Variants in PKD1 observed in about 807,000 individuals in gnomAD.
PKD1 encodes polycystin-1.
PKD1 carries 81 observed loss-of-function variants against 361.7 expected under a neutral mutation model. That is an observed-to-expected ratio of 0.22 (90% confidence interval 0.19 to 0.27). The LOEUF (loss-of-function observed/expected upper bound fraction) is 0.27. Ranked by LOEUF, PKD1 falls within the 10% of genes least tolerant of loss-of-function variation. The pLI, the probability that PKD1 is intolerant of heterozygous loss-of-function variation, is 1.00. For missense variants in PKD1, 6,399 were observed against 6,118.3 expected (o/e 1.05, Z -1.53); for synonymous variants, 3,615 against 2,818.3 (o/e 1.28, Z -8.95).
In PKD1 at chr16:2,092,538, C is replaced by T; in HGVS notation, c.11211G>A (p.Gly3737=). The T allele has an allele frequency of 1.2e-6, 2 of 1,612,762 alleles. No individual in the cohort carries two copies. The highest frequency in any genetic ancestry group is 1.3e-5 in the African/African-American group (1 of 75,056). The change falls in exon 39 of 46, where the codon GGG becomes GGA. Residue 3737 remains glycine (G), a synonymous_variant. Coordinates refer to ENST00000262304, the MANE Select transcript of PKD1 (RefSeq NM_001009944.3). The part of the protein sequence containing the change: ...MAHVLLPYVH[G]NQSSPELGPP... ...GCCCCAGCTCTGGGCTGGACTGGTT[C>T]CCGTGGACGTAGGGCAGCAGCACGT...
rs778796205 is a variant in PKD1 at position 2,113,235 on chromosome 16, C to T, written c.2911G>A (p.Asp971Asn). Residue 971 changes from aspartate (D) to asparagine (N), a missense_variant, in exon 12 of 46, where the codon GAC becomes AAC. By Grantham distance (23) the Asp-to-Asn change is conservative. Coordinates refer to ENST00000262304, the MANE Select transcript of PKD1 (RefSeq NM_001009944.3). ...TTCTGGAAGGTCAGGGACTGCTTGTCGTTGATGGTCCACCGGAAGACCATG... is the reference window on the plus strand; with the variant it reads ...TTCTGGAAGGTCAGGGACTGCTTGTTGTTGATGGTCCACCGGAAGACCATG... ...SDMVFRWTIN[D>N]KQSLTFQNVV... The T allele has an allele frequency of 5.4e-5, 78 of 1,452,026 alleles. 2 individuals are homozygous for T. In the South Asian group the frequency reaches 5.6e-4, roughly 10 times the overall value. The allele number at this position is 1,452,026 out of a possible 1,614,324, so 89.9% of individuals were successfully genotyped here. A position where few individuals can be genotyped will look rare whatever the true frequency, so the allele number is the denominator to read the frequency against.
In PKD1 at chr16:2,108,234, G is replaced by A. The variant is rs777577798; in HGVS notation, c.6915+18C>T. The A allele has an allele frequency of 1.6e-5, 26 of 1,587,234 alleles. No individual in the cohort carries two copies. The highest frequency in any genetic ancestry group is 1.5e-4 in the Admixed American group (9 of 59,314). The stretch of plus-strand genomic sequence containing the variant: ...GGACGGGTGAGGGGCATGGAGGACG[G>A]CCCTGCCACGCACTGACCTGTGTCG... On this transcript the variant is annotated intron_variant, in intron 15 of 45. Coordinates refer to ENST00000262304, the MANE Select transcript of PKD1 (RefSeq NM_001009944.3).
Position 2,091,861 on chromosome 16 carries a change from G to T in PKD1, c.11457C>A (p.Tyr3819Ter), listed in dbSNP as rs199476098. The T allele has an allele frequency of 6.2e-7, 1 of 1,610,574 alleles. No homozygotes were observed. The highest frequency in any genetic ancestry group is 8.5e-7 in the Non-Finnish European group (1 of 1,179,244). The change falls in exon 41 of 46, where the codon TAC becomes TAA. Residue 3819 changes from tyrosine (Y) to a stop codon, truncating the protein, a stop_gained. Transcript: ENST00000262304. LOFTEE classifies it high-confidence loss of function. Reference sequence around the variant, plus strand: ...CCAGGCTCAGGCCCAGCTCCTGCACGTAGCCCCCGCTGTCATACACGGCAC... The same window carrying T: ...CCAGGCTCAGGCCCAGCTCCTGCACTTAGCCCCCGCTGTCATACACGGCAC... The part of the protein sequence containing the change: ...GSCAVYDSGG[Y>*]VQELGLSLEE...
At position 2,112,880 on chromosome 16, in the gene PKD1, C is replaced by T; in HGVS notation, c.3069G>A (p.Gln1023=). The T allele has an allele frequency of 6.2e-7, 1 of 1,607,086 alleles. No homozygotes were observed. Among genetic ancestry groups the T allele is most frequent in the Non-Finnish European group, 8.5e-7 (1 of 1,179,682 alleles). The change falls in exon 13 of 46, where the codon CAG becomes CAA. Residue 1023 remains glutamine (Q), a synonymous_variant. Coordinates refer to ENST00000262304, the MANE Select transcript of PKD1 (RefSeq NM_001009944.3). ...VERMNRMQGL[Q]VSTVPAVLSP... is the part of the protein sequence containing the mutation. Reference sequence around the variant, plus strand: ...ACAGCACGGCCGGCACTGTGGAGACCTGCAGACCCTGCATCCTGTTCATCC... The same window carrying T: ...ACAGCACGGCCGGCACTGTGGAGACTTGCAGACCCTGCATCCTGTTCATCC...
rs755675128 is a variant in PKD1, at chr16:2,090,920, G to T, written c.11967C>A (p.Gly3989=). 1 of 1,585,358 alleles carries T rather than the reference G, an allele frequency of 6.3e-7. No individual in the cohort carries two copies. The highest frequency in any genetic ancestry group is 8.5e-7 in the Non-Finnish European group (1 of 1,172,444). The stretch of plus-strand genomic sequence containing the variant: ...GCAGGAAGAGCAGCGAGGCCGCCAG[G>T]CCACGGGCTGCGGAGCTCAGCTGCG... ...QVAQLSSAAR[G]LAASLLFLLL... The change falls in exon 43 of 46, where the codon GGC becomes GGA. Residue 3989 remains glycine (G), a synonymous_variant. Coordinates refer to ENST00000262304, the MANE Select transcript of PKD1 (RefSeq NM_001009944.3).
chr16:2,116,782 G>T, intron 7 of PKD1, 51 bp downstream of exon 7: 3 of 1,213,362 alleles, frequency 2.5e-6, no homozygotes, highest in South Asian at 2.6e-5. Flanking sequence ...GCGCTCGGCA[G>T]GCCCCTAACC....
chr16:2,115,201 G>A, intron 10 of PKD1, 177 bp downstream of exon 10: 2 of 590,366 alleles, frequency 3.4e-6, no homozygotes, highest in South Asian at 1.5e-4. Context: ...CCAGGCGAGA[G>A]CTTCTCCCAC....
chr16:2,123,130 G>A (rs939678822), intron 1 of PKD1, among the ~76,000 whole-genome samples: 16 of 152,184 alleles, frequency 1.1e-4, no homozygotes, highest in African/African-American at 3.9e-4. Context: ...CACGCCAGCA[G>A]GCAGCCCTGC....
At chr16:2,096,003 T>C (rs968910419) in intron 34 of PKD1, among the ~76,000 whole-genome samples, 7 of 152,256 alleles carry the variant, frequency 4.6e-5, no homozygotes, top group African/African-American at 1.7e-4. Flanking sequence ...TTTTCCTTTT[T>C]GTTTGAGTCC....
In PKD1 at chr16:2,111,393, T is replaced by A. The variant is rs758504352; in HGVS notation, c.3774A>T (p.Ala1258=). The change falls in exon 15 of 46, where the codon GCA becomes GCT. Residue 1258 remains alanine (A), a synonymous_variant. Transcript: ENST00000262304. ...CCCGCAGGTACACATGCTCCACTGT[T>A]GCCTCCGGGCCCGACAGCACGGTGC... is the stretch of plus-strand genomic sequence containing the variant. The part of the protein sequence containing the change: ...GDGTVLSGPE[A]TVEHVYLRAQ... 1.2e-6 allele frequency: 2 copies of A among 1,611,584 alleles called. No homozygotes were observed. The highest frequency in any genetic ancestry group is 2.2e-5 in the South Asian group (2 of 91,044).
Position 2,090,729 on chromosome 16 carries a change from C to G in PKD1, c.12083G>C (p.Gly4028Ala). 6.2e-7 allele frequency: 1 copy of G among 1,612,596 alleles called. No individual in the cohort carries two copies. Among genetic ancestry groups the G allele is most frequent in the Non-Finnish European group, 8.5e-7 (1 of 1,179,942 alleles). Reference protein sequence around the residue: ...TLCRALPELLGVTLGLVVLGV... With the variant: ...TLCRALPELLAVTLGLVVLGV... ...GAGCACCACCAGGCCCAAGGTGACCCCCAGGAGCTCTGGCAGAGCTCGGCA... is the reference window on the plus strand; with the variant it reads ...GAGCACCACCAGGCCCAAGGTGACCGCCAGGAGCTCTGGCAGAGCTCGGCA... Residue 4028 changes from glycine (G) to alanine (A), a missense_variant, in exon 44 of 46, where the codon GGG (glycine) becomes GCG (alanine). Physicochemically the swap from Gly to Ala is moderately conservative, Grantham distance 60. Transcript: ENST00000262304.
At chr16:2,129,980 G>A (rs2092849824) in intron 1 of PKD1, among the ~76,000 whole-genome samples, 1 of 152,138 alleles carries the variant, frequency 6.6e-6, no homozygotes, top group Non-Finnish European at 1.5e-5. Context: ...GGGAGCTCGG[G>A]TGCCCCACAT....
Position 2,111,172 on chromosome 16 carries a change from T to A in PKD1, c.3995A>T (p.Asp1332Val). The change falls in exon 15 of 46, where the codon GAT (aspartate) becomes GTT (valine). Residue 1332 changes from aspartate (D) to valine (V), a missense_variant. Asp to Val is a radical substitution (Grantham distance 152). Coordinates refer to ENST00000262304, the MANE Select transcript of PKD1 (RefSeq NM_001009944.3). ...CCGCACGGTCGTGTTGGAGGAGCCA[T>A]CCCCGAAGGTCCAGTCGAAGAGGTA... ...AHYLFDWTFGDGSSNTTVRGC... is the reference protein window; with the variant it reads ...AHYLFDWTFGVGSSNTTVRGC... The A allele has an allele frequency of 6.2e-7, 1 of 1,611,234 alleles. No individual in the cohort carries two copies. Among genetic ancestry groups the A allele is most frequent in the Non-Finnish European group, 8.5e-7 (1 of 1,179,732 alleles).
In PKD1 at chr16:2,099,966, C is replaced by G. The variant is rs1464171367; in HGVS notation, c.9818G>C (p.Ser3273Thr). 6 of 1,563,388 alleles carry G rather than the reference C, an allele frequency of 3.8e-6. No homozygotes were observed. Among genetic ancestry groups the G allele is most frequent in the African/African-American group, 1.4e-5 (1 of 73,784 alleles). Residue 3273 changes from serine to threonine, a missense_variant, in exon 29 of 46, where the codon AGC becomes ACC. Transcript: ENST00000262304. The stretch of plus-strand genomic sequence containing the variant: ...GGCCCTCTGGATGCGAGTGAAACGG[C>G]TACGAGGCGGCCGGTCCCATATGGA... ...WLSIWDRPPR[S>T]RFTRIQRATC...
chr16:2,107,251 CGTAT>C (rs1370436748), intron 16 of PKD1: 13 of 453,974 alleles, frequency 2.9e-5, no homozygotes, highest in Non-Finnish European at 4.9e-5. Flanking sequence ...TGAGAAGAGA[CGTAT>C]GTGTGGGTGT....
chr16:2,116,384 A>G, intron 8 of PKD1, 145 bp downstream of exon 8: 1 of 632,670 alleles, frequency 1.6e-6, no homozygotes. Flanking sequence ...TCCTCTCTGC[A>G]CTCTGGATTT....
rs551353498 is a variant in PKD1 at position 2,119,356 on chromosome 16, G to A, written c.238C>T (p.Arg80Trp). 729 of 1,464,496 alleles carry A rather than the reference G, an allele frequency of 5.0e-4. 14 individuals are homozygous for A. The South Asian group carries it at 7.7e-3, about 15-fold the overall frequency. 90.7% of individuals were successfully genotyped at this position (1,464,496 alleles called of 1,614,324 possible). ...GCCAGGAGCCCAACGTCCAGCGCCCGGAGCAGGTTGTGGGAGACGTCTCTG... is the reference window on the plus strand; with the variant it reads ...GCCAGGAGCCCAACGTCCAGCGCCCAGAGCAGGTTGTGGGAGACGTCTCTG... ...TALDVSHNLLRALDVGLLANL... is the reference protein window; with the variant it reads ...TALDVSHNLLWALDVGLLANL... Residue 80 changes from arginine (R) to tryptophan (W), a missense_variant, in exon 2 of 46, where the codon CGG becomes TGG. Arg to Trp is a moderately radical substitution (Grantham distance 101). Transcript: ENST00000262304.
Position 2,090,434 on chromosome 16 carries a change from G to C in PKD1, c.12295C>G (p.Leu4099Val), listed in dbSNP as rs1288699577. ...CGGAGAATAACAGCCCCCAGCCGTA[G>C]GGCGCCCCACAGCCGCAGTGCCCAG... ...GLWALRLWGA[L>V]RLGAVILRWR... Residue 4099 changes from leucine (L) to valine (V), a missense_variant, in exon 45 of 46, where the codon CTA (leucine) becomes GTA (valine). Physicochemically the swap from Leu to Val is conservative, Grantham distance 32. Coordinates refer to ENST00000262304, the MANE Select transcript of PKD1 (RefSeq NM_001009944.3). The C allele has an allele frequency of 6.2e-6, 10 of 1,612,436 alleles. No individual in the cohort carries two copies. Among genetic ancestry groups the C allele is most frequent in the Non-Finnish European group, 8.5e-6 (10 of 1,179,884 alleles).
In PKD1 at chr16:2,091,511, G is replaced by C. The variant is rs765573637; in HGVS notation, c.11624C>G (p.Ala3875Gly). 2 of 1,447,926 alleles carry C rather than the reference G, an allele frequency of 1.4e-6. No homozygotes were observed. Among genetic ancestry groups the C allele is most frequent in the Non-Finnish European group, 9.0e-7 (1 of 1,110,760 alleles). 89.7% of individuals were successfully genotyped at this position (1,447,926 alleles called of 1,614,324 possible). A position where few individuals can be genotyped will look rare whatever the true frequency, so the allele number is the denominator to read the frequency against. The change falls in exon 42 of 46, where the codon GCG becomes GGG. Residue 3875 changes from alanine (A) to glycine (G), a missense_variant. Coordinates refer to ENST00000262304, the MANE Select transcript of PKD1 (RefSeq NM_001009944.3). ...AAVTLRLEFPAAGRALAALSV... is the reference protein window; with the variant it reads ...AAVTLRLEFPGAGRALAALSV... ...GAGGGCGGCCAGGGCGCGGCCGGCC[G>C]CCGGGAACTCGAGGCGCAGCGTGAC...
Sources: allele counts gnomAD v4.1 joint callset (sites outside exome capture counted in the v4.1 genomes callset), GRCh38; gene constraint gnomAD v4.1.1; transcripts MANE v1.5; gene names NCBI Gene and HGNC (gene_info 2026-07-23, HGNC 2026-07-21).